The following PPM1H variants were observed in gnomAD, a reference collection of about 807,000 sequenced individuals.
PPM1H encodes the protein protein phosphatase, Mg2+/Mn2+ dependent 1H, also known as protein phosphatase 1H.
A neutral mutation model predicts 54.9 loss-of-function variants in PPM1H; 27 were observed. The observed-to-expected ratio is 0.49, with a 90% CI of 0.36 to 0.68. PPM1H has a LOEUF of 0.68. PPM1H is among the 30% of genes least tolerant of loss of function. The pLI is 0.00. For missense variants in PPM1H, 596 were observed against 667.8 expected (o/e 0.89, Z 1.19); for synonymous variants, 305 against 270.8 (o/e 1.13, Z -1.24).
intron 8 of PPM1H, among the ~76,000 whole-genome samples, chr12:62,672,367 C>T (rs2075961344): frequency 6.6e-6 from 1 of 152,208 alleles, no homozygotes; most frequent in Non-Finnish European, 1.5e-5. Flanking sequence ...ACAAACAGCA[C>T]ACTGGCCCTG....
chr12:62,784,846 G>A (rs2076661331), intron 4 of PPM1H, among the ~76,000 whole-genome samples: 1 of 152,206 alleles, frequency 6.6e-6, no homozygotes. Context: ...GCTGCAAATA[G>A]CACTCTAGTA....
At chr12:62,746,976 G>A (rs925557669) in intron 4 of PPM1H, among the ~76,000 whole-genome samples, 2 of 152,090 alleles carry the variant, frequency 1.3e-5, no homozygotes, top group Non-Finnish European at 2.9e-5. Flanking sequence ...TTTTGAGACA[G>A]GATCTCGTTC....
chr12:62,681,900 C>T (rs1221112109), intron 8 of PPM1H, among the ~76,000 whole-genome samples: 1 of 152,280 alleles, frequency 6.6e-6, no homozygotes, highest in South Asian at 2.1e-4. Context: ...ATTTATTATG[C>T]CAGGTTTTTT....
At chr12:62,664,273 T>C (rs184956747) in intron 9 of PPM1H, among the ~76,000 whole-genome samples, 21 of 152,318 alleles carry the variant, frequency 1.4e-4, no homozygotes, top group Admixed American at 2.0e-4. Context: ...TATGCTTAGT[T>C]TATTAAATTA....
chr12:62,897,923 G>A (rs1047363578), intron 1 of PPM1H, among the ~76,000 whole-genome samples: 2 of 152,108 alleles, frequency 1.3e-5, no homozygotes, highest in African/African-American at 2.4e-5. Context: ...ATCACAAGTG[G>A]GGAATAGTGC....
At chr12:62,793,448 G>A (rs1270890512) in intron 3 of PPM1H, among the ~76,000 whole-genome samples, 1 of 152,000 alleles carries the variant, frequency 6.6e-6, no homozygotes, top group African/African-American at 2.4e-5. Context: ...CAGAGGGCCG[G>A]GCGCGGTGGC....
chr12:62,897,840 C>A (rs1234231364), intron 1 of PPM1H, among the ~76,000 whole-genome samples: 2 of 152,072 alleles, frequency 1.3e-5, no homozygotes. Flanking sequence ...CCATGAGAAG[C>A]CATGATGGGC....
In PPM1H at chr12:62,683,033, T is replaced by TTTATTA. The variant is rs71086626; in HGVS notation, c.1245+6660_1245+6665dup. Among the ~76,000 whole-genome samples the TTTATTA allele has an allele frequency of 6.3e-3, 841 of 133,650 alleles. 7 individuals are homozygous for TTTATTA. Among genetic ancestry groups the TTTATTA allele is most frequent in the East Asian group, 9.0e-3 (43 of 4,778 alleles). 87.7% of individuals were successfully genotyped at this position (133,650 alleles called of 152,430 possible). On this transcript the variant is annotated intron_variant, in intron 8 of 9. Transcript: ENST00000228705. ...ATACTACATTTGGGAGAGTTTATTA[T>TTTATTA]TTATTATTATTATTATTATTATTAT...
rs1565794585 is a variant in PPM1H, at chr12:62,806,768, G to A, written c.412-4608C>T. Among the ~76,000 whole-genome samples the A allele has an allele frequency of 2.0e-5, 3 of 152,316 alleles. No homozygotes were observed. The South Asian group carries it at 6.2e-4, about 32-fold the overall frequency. On this transcript the variant is annotated intron_variant, in intron 2 of 9. Coordinates refer to ENST00000228705, the MANE Select transcript of PPM1H (RefSeq NM_020700.2). ...CTTCCTGTACAGCCTGTGGACCAGT[G>A]AGCCAGTTAAACCTCTTTTCTTTAT...
chr12:62,803,726 C>T lies in PPM1H; in HGVS notation c.412-1566G>A, dbSNP rs150433425. On this transcript the variant is annotated intron_variant, in intron 2 of 9. Transcript: ENST00000228705. ...ACTACATTAAACTAAAATGTTTCTG[C>T]GCAGCAAAGGAAGTAATCAACAAAA... Among the ~76,000 whole-genome samples the T allele has an allele frequency of 2.6e-3, 392 of 152,224 alleles. 1 individual carries two copies. Among genetic ancestry groups the T allele is most frequent in the African/African-American group, 8.4e-3 (348 of 41,536 alleles).
At position 62,769,890 on chromosome 12, in the gene PPM1H, T is replaced by C. The variant is rs573618365; in HGVS notation, c.869+18336A>G. 1.3e-4 allele frequency among the ~76,000 whole-genome samples: 20 copies of C among 152,266 alleles called. No individual in the cohort carries two copies. The South Asian group carries it at 3.9e-3, about 30-fold the overall frequency. ...GAGGGAGGGTATGGTAACCCACATG[T>C]TGCAAGAGAAAAGCAACAGGTTGGG... On this transcript the variant is annotated intron_variant, in intron 4 of 9. Transcript: ENST00000228705.
intron 6 of PPM1H, among the ~76,000 whole-genome samples, chr12:62,711,931 C>T (rs189576954): frequency 9.2e-5 from 14 of 152,106 alleles, no homozygotes; most frequent in South Asian, 4.1e-4. Flanking sequence ...TGGCCTCCTG[C>T]GCAGGAGGGC....
chr12:62,918,935 T>C (rs1871706350), intron 1 of PPM1H, among the ~76,000 whole-genome samples: 1 of 152,240 alleles, frequency 6.6e-6, no homozygotes, highest in Non-Finnish European at 1.5e-5. Context: ...GGATAGTTTA[T>C]GTTCTAAGTT....
intron 2 of PPM1H, among the ~76,000 whole-genome samples, chr12:62,810,653 G>A (rs942260382): frequency 6.6e-6 from 1 of 152,166 alleles, no homozygotes; most frequent in Admixed American, 6.6e-5. Flanking sequence ...TTAAATGCTG[G>A]ATATTTACTT....
At chr12:62,915,704 G>T (rs575981215) in intron 1 of PPM1H, among the ~76,000 whole-genome samples, 1 of 152,288 alleles carries the variant, frequency 6.6e-6, no homozygotes, top group African/African-American at 2.4e-5. Context: ...CTACAGAGAG[G>T]TTCCAGAGGA....
chr12:62,806,267 G>A (rs2076804703), intron 2 of PPM1H, among the ~76,000 whole-genome samples: 1 of 151,936 alleles, frequency 6.6e-6, no homozygotes, highest in South Asian at 2.1e-4. Flanking sequence ...CCATTACTCT[G>A]TGCTCTTTAA....
chr12:62,893,819 C>T (rs916287344), intron 1 of PPM1H, among the ~76,000 whole-genome samples: 1 of 152,116 alleles, frequency 6.6e-6, no homozygotes, highest in Admixed American at 6.5e-5. Flanking sequence ...TTTAAAGGCC[C>T]TATCTCCAAA....
At chr12:62,803,949 G>A (rs534651318) in intron 2 of PPM1H, among the ~76,000 whole-genome samples, 1 of 152,164 alleles carries the variant, frequency 6.6e-6, no homozygotes, top group Admixed American at 6.5e-5. Context: ...TGGCCAGCAG[G>A]CTTGTGAAAA....
intron 9 of PPM1H, among the ~76,000 whole-genome samples, chr12:62,653,061 T>C (rs946891527): frequency 6.6e-6 from 1 of 152,250 alleles, no homozygotes; most frequent in African/African-American, 2.4e-5. Flanking sequence ...ATTATTCTGC[T>C]TACTTCTGAC....
Sources: allele counts gnomAD v4.1 joint callset (sites outside exome capture counted in the v4.1 genomes callset), GRCh38; gene constraint gnomAD v4.1.1; transcripts MANE v1.5; gene names NCBI Gene and HGNC (gene_info 2026-07-23, HGNC 2026-07-21).